LARGE1: variants seen among roughly 807,000 people sequenced by gnomAD.
LARGE1 encodes LARGE xylosyl- and glucuronyltransferase 1.
LARGE1 carries 43 observed loss-of-function variants against 87.6 expected under a neutral mutation model. The ratio of observed to expected loss-of-function variants is 0.49; its 90% CI spans 0.38 to 0.63. The LOEUF (loss-of-function observed/expected upper bound fraction) is 0.63. Ranked by LOEUF, LARGE1 falls within the 30% of genes least tolerant of loss-of-function variation. The pLI, the probability that LARGE1 is intolerant of heterozygous loss-of-function variation, is 0.00. For synonymous variants in LARGE1, 434 were observed against 394.6 expected (o/e 1.10, Z -1.18); for missense variants, 802 against 1,000.2 (o/e 0.80, Z 2.67).
chr22:33,559,844 G>A (rs931876188), intron 6 of LARGE1, among the ~76,000 whole-genome samples: 1 of 152,038 alleles, frequency 6.6e-6, no homozygotes, highest in Admixed American at 6.6e-5. Context: ...TTTATTTCTC[G>A]AATCCTGTGA....
At chr22:33,564,742 C>A in intron 6 of LARGE1, 106 bp downstream of exon 6, 1 of 1,129,736 alleles carries the variant, frequency 8.9e-7, no homozygotes, top group Non-Finnish European at 1.3e-6. Flanking sequence ...TGCATTAGCA[C>A]GACCTCATTC....
intron 10 of LARGE1, among the ~76,000 whole-genome samples, chr22:33,321,627 A>G (rs1601437354): frequency 6.6e-6 from 1 of 152,286 alleles, no homozygotes; most frequent in East Asian, 1.9e-4. Context: ...CTTCCAGTTC[A>G]ATGAAGAGGA....
At chr22:33,734,976 GATCAGA>G (rs2149492164) in intron 2 of LARGE1, among the ~76,000 whole-genome samples, 1 of 152,316 alleles carries the variant, frequency 6.6e-6, no homozygotes, top group African/African-American at 2.4e-5. Flanking sequence ...AGGTGTAGGA[GATCAGA>G]ATCTGCCAGC....
intron 6 of LARGE1, among the ~76,000 whole-genome samples, chr22:33,472,774 T>C (rs1304217959): frequency 6.6e-6 from 1 of 152,212 alleles, no homozygotes; most frequent in African/African-American, 2.4e-5. Context: ...GCATCTACCA[T>C]GTAAATTGAG....
At chr22:33,394,644 A>C (rs543884715) in intron 7 of LARGE1, among the ~76,000 whole-genome samples, 2 of 151,910 alleles carry the variant, frequency 1.3e-5, no homozygotes, top group East Asian at 3.9e-4. Flanking sequence ...TGGTAAAATT[A>C]ATTTCACTCT....
At chr22:33,551,909 G>A (rs1433679255) in intron 6 of LARGE1, among the ~76,000 whole-genome samples, 1 of 150,342 alleles carries the variant, frequency 6.7e-6, no homozygotes, top group East Asian at 2.0e-4. Context: ...CAGGAGAATG[G>A]TGTGAACCCG....
intron 6 of LARGE1, among the ~76,000 whole-genome samples, chr22:33,450,603 T>TTAAA (rs10605303): frequency 0.032 from 4,712 of 149,348 alleles, 67 homozygotes; most frequent in Middle Eastern, 0.045. Context: ...CAAGATTCTG[T>TTAAA]TAAATAAATA....
chr22:33,099,120 T>C, the LARGE1 span, among the ~76,000 whole-genome samples: 23 of 152,244 alleles, frequency 1.5e-4, no homozygotes, highest in African/African-American at 5.5e-4. Flanking sequence ...ATTTGCAGGG[T>C]CCCAGCCAGA....
the LARGE1 span, among the ~76,000 whole-genome samples, chr22:33,107,040 C>T: frequency 1.2e-4 from 18 of 152,220 alleles, no homozygotes; most frequent in South Asian, 6.2e-4. Flanking sequence ...ACCATTCACA[C>T]GCAGTGATGG....
intron 10 of LARGE1, 115 bp downstream of exon 10, chr22:33,337,531 G>A (rs1050162164): frequency 2.7e-5 from 34 of 1,258,314 alleles, no homozygotes; most frequent in East Asian, 7.4e-5. Flanking sequence ...CACCGATGGC[G>A]TTGTGTTCAC....
At chr22:33,904,774 G>A (rs2065391531) in intron 1 of LARGE1, among the ~76,000 whole-genome samples, 1 of 152,126 alleles carries the variant, frequency 6.6e-6, no homozygotes, top group Non-Finnish European at 1.5e-5. Context: ...GTGAGCCATT[G>A]AGGCACTCTG....
At chr22:33,788,368 G>T (rs1204766515) in intron 1 of LARGE1, among the ~76,000 whole-genome samples, 1 of 152,084 alleles carries the variant, frequency 6.6e-6, no homozygotes, top group African/African-American at 2.4e-5. Flanking sequence ...ACCCAGTCTT[G>T]GGTGTATCTT....
At chr22:33,780,696 A>T (rs970848479) in intron 1 of LARGE1, among the ~76,000 whole-genome samples, 1 of 152,250 alleles carries the variant, frequency 6.6e-6, no homozygotes, top group African/African-American at 2.4e-5. Flanking sequence ...TCCAAAACCC[A>T]TCAGGAGACA....
In LARGE1 at chr22:33,243,496, T is replaced by C. The variant is rs533298763; in HGVS notation, c.1730+60733A>G. On this transcript the variant is annotated intron_variant, in intron 11 of 11. Transcript: ENST00000608642. ...ACATCAAATATTCCTTGGAATTATA[T>C]ACTTTGTAGTCTTTAATGTCAGGCA... Among the ~76,000 whole-genome samples the C allele has an allele frequency of 4.6e-5, 7 of 152,364 alleles. 1 individual carries two copies. In the East Asian group the frequency reaches 1.4e-3, roughly 29 times the overall value.
chr22:33,658,308 G>A (rs987902484), intron 2 of LARGE1, among the ~76,000 whole-genome samples: 1 of 152,124 alleles, frequency 6.6e-6, no homozygotes, highest in Non-Finnish European at 1.5e-5. Flanking sequence ...TTTACGGTCC[G>A]GGATACATGT....
chr22:33,461,451 A>G (rs2068378623), intron 6 of LARGE1, among the ~76,000 whole-genome samples: 1 of 152,160 alleles, frequency 6.6e-6, no homozygotes, highest in African/African-American at 2.4e-5. Flanking sequence ...GAATCTAGGT[A>G]ATAAAAATGT....
chr22:33,921,798 A>T (rs1355805343), upstream of LARGE1, among the ~76,000 whole-genome samples: 1 of 151,980 alleles, frequency 6.6e-6, no homozygotes, highest in Non-Finnish European at 1.5e-5. This position sits in a 1 kb window ranked among gnomAD's most constrained non-coding sequence, Gnocchi z 4.1. Flanking sequence ...TCTAGGGACC[A>T]GGGTGGGGGT....
chr22:33,875,658 C>T (rs893043621), intron 1 of LARGE1, among the ~76,000 whole-genome samples: 3 of 152,356 alleles, frequency 2.0e-5, no homozygotes, highest in African/African-American at 2.4e-5. Flanking sequence ...GAATTTAGCT[C>T]GCACTTGGCA....
At chr22:33,736,265 A>G (rs541779450) in intron 2 of LARGE1, among the ~76,000 whole-genome samples, 1 of 152,354 alleles carries the variant, frequency 6.6e-6, no homozygotes, top group East Asian at 1.9e-4. Context: ...CCGGCAATGT[A>G]TAAGGGTTCC....
Sources: gnomAD v4.1 joint callset for allele counts (sites outside exome capture counted in the v4.1 genomes callset) on GRCh38, gnomAD v4.1.1 for gene constraint, Gnocchi (gnomAD v3.1) non-coding constraint, MANE v1.5 for transcripts, NCBI Gene and HGNC (gene_info 2026-07-23, HGNC 2026-07-21) for gene names.